The following PLCB4 variants were observed in gnomAD, a reference collection of about 807,000 sequenced individuals.
PLCB4 encodes the protein 1-phosphatidylinositol 4,5-bisphosphate phosphodiesterase beta-4.
Under a neutral mutation model 178.8 loss-of-function variants are expected in PLCB4, and 77 were observed. The observed-to-expected ratio is 0.43, with a 90% CI of 0.36 to 0.52. The LOEUF is 0.52. PLCB4 is among the 20% of genes least tolerant of loss of function. The pLI, the probability that PLCB4 is intolerant of heterozygous loss-of-function variation, is 0.00. For missense variants in PLCB4, 1,024 were observed against 1,453.4 expected (o/e 0.70, Z 4.80); for synonymous variants, 496 against 490.8 (o/e 1.01, Z -0.14).
chr20:9,334,629 GA>G (rs1208229975), intron 4 of PLCB4, among the ~76,000 whole-genome samples: 3 of 152,166 alleles, frequency 2.0e-5, no homozygotes, highest in African/African-American at 7.2e-5. Flanking sequence ...ATGAGACATG[GA>G]AGTTGCGAAC....
Position 9,407,906 on chromosome 20 carries a change from T to G in PLCB4, c.1648-11T>G, listed in dbSNP as rs886056982. On this transcript the variant is annotated splice_polypyrimidine_tract_variant and intron_variant, in intron 21 of 39. Transcript: ENST00000378473. ...TCATCAACTTATATGTTTTCTTCCT[T>G]GTGCTTGTAGGGCCTGGTCACTGTA... 3 of 1,605,650 alleles carry G rather than the reference T, an allele frequency of 1.9e-6. No homozygotes were observed. In the South Asian group the frequency reaches 3.4e-5, roughly 18 times the overall value.
chr20:9,125,736 G>GA (rs2092095700), intron 2 of PLCB4, among the ~76,000 whole-genome samples: 1 of 152,160 alleles, frequency 6.6e-6, no homozygotes, highest in Non-Finnish European at 1.5e-5. Context: ...ATATTTGTGG[G>GA]ACTACCTTCC....
intron 4 of PLCB4, among the ~76,000 whole-genome samples, chr20:9,335,998 G>A (rs1330982802): frequency 6.6e-6 from 1 of 152,156 alleles, no homozygotes; most frequent in Non-Finnish European, 1.5e-5. Context: ...TTGTTCCCCT[G>A]TAATTTAGAA....
At chr20:9,478,232 A>G (rs185107670) in intron 39 of PLCB4, among the ~76,000 whole-genome samples, 2 of 146,360 alleles carry the variant, frequency 1.4e-5, no homozygotes, top group Admixed American at 1.4e-4. Flanking sequence ...TTTCTTAGTG[A>G]CAATCTGAAC....
intron 19 of PLCB4, 152 bp from the exon 20 acceptor site, chr20:9,401,338 A>C (rs2039008323): frequency 1.7e-6 from 1 of 587,736 alleles, no homozygotes; most frequent in Non-Finnish European, 3.1e-6. Flanking sequence ...TGAGAGTTTT[A>C]CTTGAAAAAA....
intron 2 of PLCB4, among the ~76,000 whole-genome samples, chr20:9,128,822 C>T (rs1600604724): frequency 1.3e-5 from 2 of 152,254 alleles, no homozygotes; most frequent in Non-Finnish European, 2.9e-5. Flanking sequence ...GAACAGAAAC[C>T]TCCATTCCTC....
chr20:9,457,494 G>GA lies in PLCB4; in HGVS notation c.3072+9dup. The GA allele has an allele frequency of 7.2e-7, 1 of 1,386,376 alleles. No individual in the cohort carries two copies. The highest frequency in any genetic ancestry group is 1.2e-5 in the South Asian group (1 of 86,354). The allele number at this position is 1,386,376 out of a possible 1,614,324, so 85.9% of individuals were successfully genotyped here. ...ACATCAGATCACAAATCTAAGGTAA[G>GA]AAAATGCCCATTTTTACAGCAGTGA... On this transcript the variant is annotated splice_donor_region_variant and intron_variant, in intron 34 of 39. Coordinates refer to ENST00000378473, the MANE Select transcript of PLCB4 (RefSeq NM_001377142.1).
chr20:9,412,031 A>G (rs936037043), intron 25 of PLCB4, among the ~76,000 whole-genome samples: 6 of 152,200 alleles, frequency 3.9e-5, no homozygotes, highest in African/African-American at 1.2e-4. Flanking sequence ...TTCTCTGCCA[A>G]TGTGGCTGCA....
chr20:9,169,233 A>G (rs2093024508), intron 2 of PLCB4, among the ~76,000 whole-genome samples: 1 of 152,074 alleles, frequency 6.6e-6, no homozygotes, highest in Admixed American at 6.6e-5. Context: ...CCAATGTAAT[A>G]ATCCAGTTTT....
chr20:9,087,814 T>C (rs1600305557), intron 1 of PLCB4, among the ~76,000 whole-genome samples: 1 of 152,234 alleles, frequency 6.6e-6, no homozygotes, highest in Non-Finnish European at 1.5e-5. Flanking sequence ...ATCATGCCAT[T>C]ATTTGCTTTG....
At chr20:9,338,515 A>C (rs746715778) in intron 6 of PLCB4, among the ~76,000 whole-genome samples, 5 of 152,072 alleles carry the variant, frequency 3.3e-5, no homozygotes, top group Non-Finnish European at 5.9e-5. Context: ...CCCTGTCTCT[A>C]CAAAAATTAC....
chr20:9,252,320 G>A (rs1486223361), intron 3 of PLCB4, among the ~76,000 whole-genome samples: 1 of 152,200 alleles, frequency 6.6e-6, no homozygotes, highest in Admixed American at 6.5e-5. Context: ...TCATCTGCGA[G>A]CTTGTTAGAA....
chr20:9,366,981 A>G (rs1049680617), intron 9 of PLCB4, among the ~76,000 whole-genome samples: 2 of 152,226 alleles, frequency 1.3e-5, no homozygotes, highest in African/African-American at 2.4e-5. Flanking sequence ...ATCTGTGTGG[A>G]TGCATTGAGC....
chr20:9,254,484 C>G (rs180978715), intron 3 of PLCB4, among the ~76,000 whole-genome samples: 45 of 152,134 alleles, frequency 3.0e-4, no homozygotes, highest in Non-Finnish European at 4.9e-4. Flanking sequence ...CACTTGAGGC[C>G]CCTAGGAGTT....
At chr20:9,158,577 G>C (rs753839503) in intron 2 of PLCB4, among the ~76,000 whole-genome samples, 1 of 133,398 alleles carries the variant, frequency 7.5e-6, no homozygotes, top group Non-Finnish European at 1.6e-5. Flanking sequence ...CCACTCTCAC[G>C]TTTTTTTTTT....
Position 9,476,760 on chromosome 20 carries a change from C to A in PLCB4, c.3532+7C>A. 6.2e-7 allele frequency: 1 copy of A among 1,600,888 alleles called. No individual in the cohort carries two copies. ...GCAGTGTCCCAAACGCAAGGTAGGA[C>A]CGAAACTCTGATAAGCAAGACGTTG... On this transcript the variant is annotated splice_region_variant and intron_variant, in intron 39 of 39. Transcript: ENST00000378473.
chr20:9,278,708 G>T (rs2094470109), intron 3 of PLCB4, among the ~76,000 whole-genome samples: 1 of 151,982 alleles, frequency 6.6e-6, no homozygotes, highest in Non-Finnish European at 1.5e-5. Flanking sequence ...CTCACAACGA[G>T]CAGATATGAG....
intron 2 of PLCB4, among the ~76,000 whole-genome samples, chr20:9,169,133 A>G (rs964105658): frequency 3.0e-4 from 46 of 152,190 alleles, no homozygotes; most frequent in Admixed American, 2.9e-3. Context: ...TCTGGCTTGC[A>G]GGTGCTCCAC....
At chr20:9,359,609 C>T (rs899419492) in intron 7 of PLCB4, among the ~76,000 whole-genome samples, 5 of 152,208 alleles carry the variant, frequency 3.3e-5, no homozygotes, top group Non-Finnish European at 5.9e-5. Context: ...GCTCAGGCTT[C>T]GGCTTGGGGT....
Sources: gnomAD v4.1 joint callset for allele counts (sites outside exome capture counted in the v4.1 genomes callset) on GRCh38, gnomAD v4.1.1 for gene constraint, MANE v1.5 for transcripts, NCBI Gene and HGNC (gene_info 2026-07-23, HGNC 2026-07-21) for gene names.